The following SPG7 variants were observed in gnomAD, a reference collection of about 807,000 sequenced individuals.
The protein encoded by SPG7 is SPG7 matrix AAA peptidase subunit, paraplegin, also known as mitochondrial inner membrane m-AAA protease component paraplegin.
In SPG7, 103 loss-of-function variants were observed where a neutral mutation model predicts 81.9. The observed-to-expected ratio is 1.26, with a 90% confidence interval of 1.07 to 1.48. The LOEUF is 1.48. Among genes scored for constraint, SPG7 ranks in the 40% most tolerant of loss-of-function variants. SPG7 has a pLI of 0.00. For synonymous variants in SPG7, 534 were observed against 444.2 expected, an observed-to-expected ratio of 1.20 and a Z score of -2.54; for missense variants, 1,241 against 1,087.3, an observed-to-expected ratio of 1.14 and a Z score of -1.99.
At chr16:89,555,713 GT>G (rs2058681105) in intron 16 of SPG7, 1 of 397,380 alleles carries the variant, frequency 2.5e-6, no homozygotes, top group African/African-American at 2.1e-5. Flanking sequence ...TGTCTGATGT[GT>G]TTCTCACAGT....
At position 89,508,804 on chromosome 16, in the gene SPG7, C is replaced by G; in HGVS notation, c.183+204C>G. 3 of 707,606 alleles carry G rather than the reference C, an allele frequency of 4.2e-6. No homozygotes were observed. In the South Asian group the frequency reaches 4.5e-5, roughly 11 times the overall value. 43.8% of individuals were successfully genotyped at this position (707,606 alleles called of 1,614,324 possible). A position where few individuals can be genotyped will look rare whatever the true frequency, so the allele number is the denominator to read the frequency against. On this transcript the variant is annotated intron_variant, in intron 1 of 16. Coordinates refer to ENST00000645818, the MANE Select transcript of SPG7 (RefSeq NM_003119.4). ...GGGCGCTGGGCGGGCCGGGAAGAGG[C>G]AGGGCTGGGATCCGCGCAGTCCTCG...
intron 9 of SPG7, chr16:89,544,398 C>G (rs2058537039): frequency 4.4e-6 from 2 of 456,560 alleles, no homozygotes; most frequent in Non-Finnish European, 8.2e-6. Context: ...GCTGTAGGAG[C>G]TCCCGGAGGG....
rs975953318 is a variant in SPG7 at position 89,537,312 on chromosome 16, G to T, written c.1324+4676G>T. 8.8e-6 allele frequency: 11 copies of T among 1,248,838 alleles called. No individual in the cohort carries two copies. The Admixed American group carries it at 1.1e-4, about 13-fold the overall frequency. 77.4% of individuals were successfully genotyped at this position (1,248,838 alleles called of 1,614,324 possible). A position where few individuals can be genotyped will look rare whatever the true frequency, so the allele number is the denominator to read the frequency against. ...CCCCGGGAAGGGCGCAAGTCAAAGA[G>T]CACTGGAGGCACCGCCGGCGATGGA... On this transcript the variant is annotated intron_variant, in intron 9 of 16. Transcript: ENST00000645818.
At chr16:89,552,580 C>G (rs1179177045) in intron 13 of SPG7, 1 of 310,264 alleles carries the variant, frequency 3.2e-6, no homozygotes, top group African/African-American at 2.2e-5. Context: ...GAGGTGAGGA[C>G]AGCCTCTGCT....
chr16:89,543,228 T>C (rs557057805), intron 9 of SPG7: 1 of 152,024 alleles, frequency 6.6e-6, no homozygotes, highest in African/African-American at 2.4e-5. Context: ...ATTACAGGCG[T>C]GAGCCACCGC....
chr16:89,553,762 G>A (rs2058660541), intron 14 of SPG7, 32 bp from the exon 15 acceptor site: 17 of 1,612,186 alleles, frequency 1.1e-5, no homozygotes, highest in Non-Finnish European at 1.4e-5. Context: ...CTGCAGTGCT[G>A]AGGATGCCTC....
rs140902728 is a variant in SPG7, at chr16:89,554,893, C to T, written c.2181+330C>T. On this transcript the variant is annotated intron_variant, in intron 16 of 16. Transcript: ENST00000645818. ...TCTTGAACATTTTTTTAAAACAAAG[C>T]TTTAATTTTAGAGTAGGAATTTTTT... 990 of 269,106 alleles carry T rather than the reference C, an allele frequency of 3.7e-3. 10 individuals carry two copies. The highest frequency in any genetic ancestry group is 0.021 in the African/African-American group (941 of 44,672). The allele number at this position is 269,106 out of a possible 1,614,324, so 16.7% of individuals were successfully genotyped here.
intron 10 of SPG7, 102 bp downstream of exon 10, chr16:89,544,874 GTCACAGCCCCACA>G: frequency 7.0e-7 from 1 of 1,429,312 alleles, no homozygotes; most frequent in South Asian, 1.2e-5. Context: ...TGTGAAGCCT[GTCACAGCCCCACA>G]GGTGCTGGCA....
chr16:89,553,584 A>C (rs2058658259), intron 14 of SPG7: 2 of 594,712 alleles, frequency 3.4e-6, no homozygotes, highest in Non-Finnish European at 6.0e-6. Context: ...CTAGATTTCC[A>C]AATAAAAGAG....
intron 9 of SPG7, chr16:89,537,168 C>T (rs781266447): frequency 3.5e-5 from 51 of 1,453,642 alleles, no homozygotes; most frequent in African/African-American, 2.6e-4. Flanking sequence ...TTCATGGAAG[C>T]GCACAGGATA....
chr16:89,549,504 G>T (rs1291953735), intron 12 of SPG7: 7 of 339,072 alleles, frequency 2.1e-5, no homozygotes, highest in Non-Finnish European at 3.5e-5. Flanking sequence ...TAAAAGAAAA[G>T]AATAAAGAGT....
chr16:89,556,260 A>G, intron 16 of SPG7: 2 of 399,928 alleles, frequency 5.0e-6, no homozygotes, highest in East Asian at 3.6e-5. Flanking sequence ...AGGGGTTACC[A>G]TTTTCTTTAG....
At chr16:89,519,093 C>T (rs1165305987) in intron 3 of SPG7, 1 of 149,336 alleles carries the variant, frequency 6.7e-6, no homozygotes, top group Non-Finnish European at 1.5e-5. Context: ...AAGCGATTCT[C>T]CTGCCTCAGC....
At chr16:89,533,073 CAAA>C (rs398042283) in intron 9 of SPG7, 21 of 84,778 alleles carry the variant, frequency 2.5e-4, no homozygotes, top group South Asian at 1.7e-3. Context: ...GACTCCATCT[CAAA>C]AAAAAAAAAA....
chr16:89,548,323 C>T (rs990683438), intron 12 of SPG7: 16 of 497,168 alleles, frequency 3.2e-5, no homozygotes, highest in South Asian at 6.0e-5. Flanking sequence ...AGTAGACGCT[C>T]GTCCAACAGA....
At chr16:89,518,925 T>C (rs975815017) in intron 3 of SPG7, 1 of 152,174 alleles carries the variant, frequency 6.6e-6, no homozygotes, top group African/African-American at 2.4e-5. Context: ...TTCATAGTTT[T>C]GTGAGATGGA....
Position 89,548,106 on chromosome 16 carries a change from C to G in SPG7, c.1656C>G (p.Val552=). The G allele has an allele frequency of 6.2e-7, 1 of 1,603,436 alleles. No homozygotes were observed. Among genetic ancestry groups the G allele is most frequent in the South Asian group, 1.1e-5 (1 of 91,040 alleles). Residue 552 remains valine (V), a synonymous_variant, in exon 12 of 17, where the codon GTC becomes GTG. Transcript: ENST00000645818. ...TLNFEYAVER[V]LAGTAKKSKI... is the part of the protein sequence containing the mutation. ...ACTTCGAGTACGCCGTGGAGCGCGT[C>G]CTCGCAGGTACAGGGGGCGCGCCCT... is the stretch of plus-strand genomic sequence containing the variant.
At chr16:89,532,675 A>G (rs1567915526) in intron 9 of SPG7, 39 bp downstream of exon 9, 1 of 1,611,252 alleles carries the variant, frequency 6.2e-7, no homozygotes, top group African/African-American at 1.3e-5. Context: ...TTGCACCATC[A>G]GAGGAGGTTT....
In SPG7 at chr16:89,552,966, G is replaced by GACCTTGTGCCAGGTCTCCATA. The variant is rs1346154587; in HGVS notation, c.1780-9_1791dup. 6.2e-7 allele frequency: 1 copy of GACCTTGTGCCAGGTCTCCATA among 1,613,438 alleles called. No homozygotes were observed. Among genetic ancestry groups the GACCTTGTGCCAGGTCTCCATA allele is most frequent in the Non-Finnish European group, 8.5e-7 (1 of 1,179,842 alleles). On this transcript the variant is annotated splice_polypyrimidine_tract_variant and intron_variant, in intron 13 of 16. Coordinates refer to ENST00000645818, the MANE Select transcript of SPG7 (RefSeq NM_003119.4). The stretch of plus-strand genomic sequence containing the variant: ...CCTGCCTACTGACCTGGGTCATCTT[G>GACCTTGTGCCAGGTCTCCATA]ACCTTGTGCCAGGTCTCCATAACCC...
Sources: gnomAD v4.1 joint callset for allele counts on GRCh38, gnomAD v4.1.1 for gene constraint, MANE v1.5 for transcripts, NCBI Gene and HGNC (gene_info 2026-07-23, HGNC 2026-07-21) for gene names.